P3H2: variants seen among roughly 807,000 people sequenced by gnomAD.
The protein encoded by P3H2 is prolyl 3-hydroxylase 2.
Under a neutral mutation model 87.0 loss-of-function variants are expected in P3H2, and 80 were observed. That is an observed-to-expected ratio of 0.92 (90% confidence interval 0.77 to 1.11). The LOEUF is 1.11. P3H2 is among the 50% of genes least tolerant of loss of function. P3H2 has a pLI of 0.00. For missense variants in P3H2, 1,001 were observed against 923.9 expected, an observed-to-expected ratio of 1.08 and a Z score of -1.08; for synonymous variants, 367 against 359.3, an observed-to-expected ratio of 1.02 and a Z score of -0.24.
chr3:190,037,732 T>C (rs1435559802), intron 1 of P3H2, among the ~76,000 whole-genome samples: 1 of 152,240 alleles, frequency 6.6e-6, no homozygotes, highest in Admixed American at 6.5e-5. Flanking sequence ...GCAATTTAAC[T>C]ATGGCTATTG....
rs9811432 is a variant in P3H2 at position 190,032,547 on chromosome 3, G to A, written c.481-37105C>T. On this transcript the variant is annotated intron_variant, in intron 1 of 14. Coordinates refer to ENST00000319332, the MANE Select transcript of P3H2 (RefSeq NM_018192.4). ...GAGAAGAGGAAATGCAGGCAAGCAGGTTGGCTCACAACACATGAAGGTCAA... is the reference window on the plus strand; with the variant it reads ...GAGAAGAGGAAATGCAGGCAAGCAGATTGGCTCACAACACATGAAGGTCAA... Among the ~76,000 whole-genome samples, 789 of 152,266 alleles carry A rather than the reference G, an allele frequency of 5.2e-3. 9 individuals are homozygous for A. Among genetic ancestry groups the A allele is most frequent in the African/African-American group, 0.018 (768 of 41,550 alleles).
chr3:190,025,794 G>A (rs1725070229), intron 1 of P3H2, among the ~76,000 whole-genome samples: 1 of 152,116 alleles, frequency 6.6e-6, no homozygotes, highest in African/African-American at 2.4e-5. Context: ...AATCTTAGAA[G>A]TAACCATCAA....
intron 1 of P3H2, among the ~76,000 whole-genome samples, chr3:190,099,182 T>C (rs1481296977): frequency 6.6e-6 from 1 of 152,186 alleles, no homozygotes; most frequent in Non-Finnish European, 1.5e-5. Flanking sequence ...CATTAAATAT[T>C]ATTGCCAAGA....
intron 3 of P3H2, among the ~76,000 whole-genome samples, chr3:189,992,404 C>G (rs1345699175): frequency 6.6e-6 from 1 of 152,118 alleles, no homozygotes; most frequent in East Asian, 1.9e-4. Flanking sequence ...ATGAGTAGTG[C>G]TTTTTAGGAA....
chr3:189,980,587 A>C (rs1723502086), intron 8 of P3H2, among the ~76,000 whole-genome samples: 1 of 152,094 alleles, frequency 6.6e-6, no homozygotes, highest in African/African-American at 2.4e-5. Flanking sequence ...AGAGATATGA[A>C]AGTGTTTTCT....
chr3:190,119,085 A>G (rs377547779), intron 1 of P3H2, among the ~76,000 whole-genome samples: 2 of 143,904 alleles, frequency 1.4e-5, no homozygotes, highest in African/African-American at 5.1e-5. Context: ...AGCCTGGGTG[A>G]CAAGAGCAAA....
chr3:189,974,744 G>A, intron 8 of P3H2, 59 bp from the exon 9 acceptor site: 1 of 1,606,040 alleles, frequency 6.2e-7, no homozygotes, highest in Non-Finnish European at 8.5e-7. Flanking sequence ...AGGAAGCACA[G>A]AATACCAAAC....
At chr3:190,111,839 A>G (rs1482813988) in intron 1 of P3H2, among the ~76,000 whole-genome samples, 1 of 152,212 alleles carries the variant, frequency 6.6e-6, no homozygotes, top group Non-Finnish European at 1.5e-5. Context: ...GACAGCCTCA[A>G]TGTCACAATC....
chr3:190,094,354 T>C (rs1727504671), intron 1 of P3H2, among the ~76,000 whole-genome samples: 1 of 152,252 alleles, frequency 6.6e-6, no homozygotes, highest in African/African-American at 2.4e-5. Context: ...CAGAAGGCAT[T>C]CCTTTGAAAA....
At chr3:190,039,992 A>C (rs764673683) in intron 1 of P3H2, among the ~76,000 whole-genome samples, 7 of 152,220 alleles carry the variant, frequency 4.6e-5, no homozygotes, top group Non-Finnish European at 8.8e-5. Flanking sequence ...AACAGAACAA[A>C]AACTCACAGG....
chr3:190,084,576 G>A (rs1269090973), intron 1 of P3H2, among the ~76,000 whole-genome samples: 5 of 152,158 alleles, frequency 3.3e-5, no homozygotes, highest in Admixed American at 2.0e-4. Flanking sequence ...CACAGGTGCT[G>A]AATCTGAAAT....
chr3:190,000,422 A>G (rs1441902594), intron 1 of P3H2, among the ~76,000 whole-genome samples: 1 of 152,244 alleles, frequency 6.6e-6, no homozygotes, highest in Non-Finnish European at 1.5e-5. Flanking sequence ...CCTCCTTTCT[A>G]TAACAAATGT....
rs766973596 is a variant in P3H2 at position 189,986,840 on chromosome 3, G to A, written c.1136C>T (p.Ser379Phe). ...TTCTGCAGCTGATTTTATCAGCTCA[G>A]ACTCCAGCTTATGACGTTTCACAAA... Reference protein sequence around the residue: ...TMFVKRHKLESELIKSAAEGL... With the variant: ...TMFVKRHKLEFELIKSAAEGL... The change falls in exon 6 of 15, where the codon TCT becomes TTT. Residue 379 changes from serine (S) to phenylalanine (F), a missense_variant. Ser to Phe is a radical substitution (Grantham distance 155). Transcript: ENST00000319332. 1 of 1,613,128 alleles carries A rather than the reference G, an allele frequency of 6.2e-7. No individual in the cohort carries two copies. Among genetic ancestry groups the A allele is most frequent in the South Asian group, 1.1e-5 (1 of 91,038 alleles).
intron 1 of P3H2, among the ~76,000 whole-genome samples, chr3:190,115,081 T>C (rs1482302188): frequency 7.2e-5 from 11 of 152,172 alleles, no homozygotes; most frequent in Non-Finnish European, 8.8e-5. Flanking sequence ...AAATAGATTA[T>C]GGTCAAGATA....
chr3:189,961,454 T>G (rs1047346831), intron 14 of P3H2, among the ~76,000 whole-genome samples: 1 of 152,176 alleles, frequency 6.6e-6, no homozygotes, highest in African/African-American at 2.4e-5. Context: ...TAATTCATAA[T>G]AAGCATGAGA....
At chr3:190,078,631 G>T (rs1449722728) in intron 1 of P3H2, among the ~76,000 whole-genome samples, 1 of 152,066 alleles carries the variant, frequency 6.6e-6, no homozygotes, top group Non-Finnish European at 1.5e-5. Context: ...TGACCCAATG[G>T]CATATATATT....
intron 1 of P3H2, among the ~76,000 whole-genome samples, chr3:190,119,591 C>T (rs1712451057): frequency 6.6e-6 from 1 of 152,158 alleles, no homozygotes; most frequent in Non-Finnish European, 1.5e-5. Flanking sequence ...TGCATACCAC[C>T]AGAAAACGTA....
intron 1 of P3H2, among the ~76,000 whole-genome samples, chr3:190,087,340 T>C (rs187359416): frequency 3.3e-5 from 5 of 151,610 alleles, no homozygotes; most frequent in African/African-American, 1.2e-4. Context: ...ATCGAGACCA[T>C]CCTGGCTAAC....
Position 190,120,688 on chromosome 3 carries a change from G to T in P3H2, c.44C>A (p.Pro15Gln). 1 of 1,521,168 alleles carries T rather than the reference G, an allele frequency of 6.6e-7. No homozygotes were observed. Among genetic ancestry groups the T allele is most frequent in the Non-Finnish European group, 8.8e-7 (1 of 1,141,344 alleles). 94.2% of individuals were successfully genotyped at this position (1,521,168 alleles called of 1,614,324 possible). A position where few individuals can be genotyped will look rare whatever the true frequency, so the allele number is the denominator to read the frequency against. The change falls in exon 1 of 15, where the codon CCG becomes CAG. Residue 15 changes from proline (P) to glutamine (Q), a missense_variant. Pro to Gln is a moderately conservative substitution (Grantham distance 76). Coordinates refer to ENST00000319332, the MANE Select transcript of P3H2 (RefSeq NM_018192.4). ...CCACAGTGGCGGCGGCAGTAGCAGC[G>T]GCAGCAGCAGCAGCAGCGGCGGCGC... ...IWAPPLLLLLPLLLPPPLWGG... is the reference protein window; with the variant it reads ...IWAPPLLLLLQLLLPPPLWGG...
Sources: gnomAD v4.1 joint callset for allele counts (sites outside exome capture counted in the v4.1 genomes callset) on GRCh38, gnomAD v4.1.1 for gene constraint, MANE v1.5 for transcripts, NCBI Gene and HGNC (gene_info 2026-07-23, HGNC 2026-07-21) for gene names.